IQANK1: variants seen among roughly 807,000 people sequenced by gnomAD.
IQANK1 encodes IQ motif and ankyrin repeat domain-containing protein 1.
IQANK1 carries 30 observed loss-of-function variants against 22.6 expected under a neutral mutation model. The ratio of observed to expected loss-of-function variants is 1.33; its 90% CI spans 0.99 to 1.80. The LOEUF is 1.80. IQANK1 is among the 40% of genes most tolerant of loss of function. The pLI, the probability that IQANK1 is intolerant of heterozygous loss-of-function variation, is 0.00. For missense variants in IQANK1, 275 were observed against 235.2 expected (o/e 1.17, Z -1.11); for synonymous variants, 122 against 99.6 (o/e 1.23, Z -1.34).
intron 3 of IQANK1, among the ~76,000 whole-genome samples, chr8:143,748,037 C>T (rs1334407675): frequency 6.7e-6 from 1 of 150,220 alleles, no homozygotes; most frequent in Non-Finnish European, 1.5e-5. Flanking sequence ...TCCTGTCACC[C>T]AGGCTGGAGT....
chr8:143,773,594 T>C (rs1554630042), intron 7 of IQANK1, among the ~76,000 whole-genome samples: 1 of 151,988 alleles, frequency 6.6e-6, no homozygotes, highest in African/African-American at 2.4e-5. Context: ...GCCTGGAGTC[T>C]GGGTTCTGCC....
intron 9 of IQANK1, 42 bp from the exon 10 acceptor site, chr8:143,789,394 T>C (rs1398576985): frequency 9.1e-7 from 1 of 1,097,130 alleles, no homozygotes; most frequent in Non-Finnish European, 1.2e-6. Flanking sequence ...GGTCGGAGGA[T>C]ACTGGCCAGC....
Position 143,779,607 on chromosome 8 carries a change from C to T in IQANK1, c.789+7125C>T, listed in dbSNP as rs1418762400. Among the ~76,000 whole-genome samples, 3 of 152,184 alleles carry T rather than the reference C, an allele frequency of 2.0e-5. No individual in the cohort carries two copies. The East Asian group carries it at 5.8e-4, about 29-fold the overall frequency. ...CATTTATTGCCTATTCATTAAGACA[C>T]TCGTAAGTTTACTCGTTATATTATC... On this transcript the variant is annotated intron_variant, in intron 7 of 13. Transcript: ENST00000527139.
rs564595857 is a variant in IQANK1 at position 143,737,778 on chromosome 8, G to C, written c.85+1840G>C. 4.6e-5 allele frequency among the ~76,000 whole-genome samples: 7 copies of C among 152,302 alleles called. No individual in the cohort carries two copies. In the East Asian group the frequency reaches 1.4e-3, roughly 29 times the overall value. On this transcript the variant is annotated intron_variant, in intron 2 of 13. Coordinates refer to ENST00000527139, the MANE Select transcript of IQANK1 (RefSeq NM_001381874.1). ...TGCTGCAGCCACAGCTGCTCCTCCT[G>C]TAGCTGCTGCAGCCATAGCTGCTCC...
chr8:143,778,730 G>T (rs985643845), intron 7 of IQANK1, among the ~76,000 whole-genome samples: 7 of 152,110 alleles, frequency 4.6e-5, no homozygotes, highest in African/African-American at 1.7e-4. Context: ...ATTGGTTTGC[G>T]CTTTCGCCAA....
At chr8:143,736,648 C>T (rs1818746439) in intron 2 of IQANK1, among the ~76,000 whole-genome samples, 2 of 152,240 alleles carry the variant, frequency 1.3e-5, no homozygotes, top group African/African-American at 2.4e-5. Flanking sequence ...ACTCTCTGCT[C>T]CATCTGGGCC....
At chr8:143,752,808 G>A (rs1163144858) in intron 3 of IQANK1, among the ~76,000 whole-genome samples, 1 of 152,080 alleles carries the variant, frequency 6.6e-6, no homozygotes, top group Non-Finnish European at 1.5e-5. Context: ...GCTTGTATAA[G>A]TACTCTCTAC....
rs1819978515 is a variant in IQANK1, at chr8:143,789,618, T to C, written c.1086+90T>C. 4.1e-6 allele frequency: 5 copies of C among 1,225,098 alleles called. No homozygotes were observed. In the East Asian group the frequency reaches 1.3e-4, roughly 31 times the overall value. The allele number at this position is 1,225,098 out of a possible 1,614,324, so 75.9% of individuals were successfully genotyped here. A position where few individuals can be genotyped will look rare whatever the true frequency, so the allele number is the denominator to read the frequency against. On this transcript the variant is annotated intron_variant, in intron 10 of 13. Coordinates refer to ENST00000527139, the MANE Select transcript of IQANK1 (RefSeq NM_001381874.1). Reference sequence around the variant, plus strand: ...GCCCAGAGCTCCCCGCTCCCAGGCCTGGGGTTTTTCCCTCTCAAACATGGG... The same window carrying C: ...GCCCAGAGCTCCCCGCTCCCAGGCCCGGGGTTTTTCCCTCTCAAACATGGG...
At position 143,753,930 on chromosome 8, in the gene IQANK1, T is replaced by G. The variant is rs534671593; in HGVS notation, c.175+13982T>G. ...CCCAGGGTTTGCTGGGTTTTGTTTG[T>G]TTTTTTTTCTTTTCTACTGTTGTAG... is the stretch of plus-strand genomic sequence containing the variant. On this transcript the variant is annotated intron_variant, in intron 3 of 13. Coordinates refer to ENST00000527139, the MANE Select transcript of IQANK1 (RefSeq NM_001381874.1). 8.0e-4 allele frequency among the ~76,000 whole-genome samples: 121 copies of G among 151,028 alleles called. 1 individual carries two copies. The highest frequency in any genetic ancestry group is 2.8e-3 in the African/African-American group (117 of 41,112).
intron 7 of IQANK1, among the ~76,000 whole-genome samples, chr8:143,773,665 C>A (rs977061172): frequency 6.6e-6 from 1 of 152,178 alleles, no homozygotes; most frequent in African/African-American, 2.4e-5. Flanking sequence ...AGTCTTTGCC[C>A]AGCTAGGGAC....
intron 11 of IQANK1, 24 bp downstream of exon 11, chr8:143,789,893 C>T (rs1819989187): frequency 8.1e-7 from 1 of 1,231,890 alleles, no homozygotes; most frequent in African/African-American, 1.5e-5. Context: ...GGGGCGCCGG[C>T]TGGGGGCTGG....
At chr8:143,769,146 T>C (rs554630434) in intron 3 of IQANK1, among the ~76,000 whole-genome samples, 12 of 151,856 alleles carry the variant, frequency 7.9e-5, no homozygotes, top group Non-Finnish European at 1.3e-4. Context: ...CACTGCAGCA[T>C]TGACCTGGGC....
At chr8:143,789,593 G>A (rs1819977026) in intron 10 of IQANK1, 65 bp downstream of exon 10, 18 of 1,230,262 alleles carry the variant, frequency 1.5e-5, no homozygotes, top group Non-Finnish European at 1.7e-5. Context: ...TTCCAAACCA[G>A]CCCAGAGCTC....
chr8:143,769,529 A>G (rs1819535510), intron 3 of IQANK1, among the ~76,000 whole-genome samples: 1 of 152,170 alleles, frequency 6.6e-6, no homozygotes, highest in Non-Finnish European at 1.5e-5. Context: ...TAATTTACTT[A>G]GTGTATGTCC....
intron 7 of IQANK1, among the ~76,000 whole-genome samples, chr8:143,776,025 G>A (rs1475868377): frequency 6.9e-6 from 1 of 144,556 alleles, no homozygotes; most frequent in Non-Finnish European, 1.5e-5. Flanking sequence ...GGTGGCTCAC[G>A]CCTGTAATCC....
intron 1 of IQANK1, among the ~76,000 whole-genome samples, chr8:143,734,585 C>T (rs1818671898): frequency 6.6e-6 from 1 of 151,788 alleles, no homozygotes; most frequent in Non-Finnish European, 1.5e-5. Context: ...CACACCGAGT[C>T]CTGCCCATGC....
intron 7 of IQANK1, among the ~76,000 whole-genome samples, chr8:143,775,137 G>A (rs535240922): frequency 6.6e-6 from 1 of 151,064 alleles, no homozygotes; most frequent in Non-Finnish European, 1.5e-5. Flanking sequence ...GAGTAGATGT[G>A]AAATAGTTGA....
chr8:143,784,309 G>T (rs1483954740), intron 7 of IQANK1, among the ~76,000 whole-genome samples: 1 of 152,070 alleles, frequency 6.6e-6, no homozygotes, highest in Non-Finnish European at 1.5e-5. Context: ...ATGAGATCTG[G>T]TTGTTTAGAA....
At chr8:143,777,703 A>G (rs1217984639) in intron 7 of IQANK1, among the ~76,000 whole-genome samples, 3 of 152,138 alleles carry the variant, frequency 2.0e-5, no homozygotes, top group African/African-American at 4.8e-5. Context: ...AACTACTACA[A>G]TATCAAAAGA....
Sources: gnomAD v4.1 joint callset for allele counts (sites outside exome capture counted in the v4.1 genomes callset) on GRCh38, gnomAD v4.1.1 for gene constraint, MANE v1.5 for transcripts, NCBI Gene and HGNC (gene_info 2026-07-23, HGNC 2026-07-21) for gene names.